The following ADK variants were observed in gnomAD, a reference collection of about 807,000 sequenced individuals.
ADK encodes the protein adenosine kinase.
A neutral mutation model predicts 44.7 loss-of-function variants in ADK; 24 were observed. The observed-to-expected ratio is 0.54, with a 90% CI of 0.39 to 0.76. The LOEUF is 0.76. Ranked by LOEUF, ADK falls within the 30% of genes least tolerant of loss-of-function variation. The pLI, the probability that ADK is intolerant of heterozygous loss-of-function variation, is 0.00. For missense variants in ADK, 321 were observed against 425.1 expected, an observed-to-expected ratio of 0.76 and a Z score of 2.15; for synonymous variants, 128 against 142.6, an observed-to-expected ratio of 0.90 and a Z score of 0.73.
At chr10:74,663,033 C>G (rs1341202689) in intron 9 of ADK, among the ~76,000 whole-genome samples, 2 of 151,830 alleles carry the variant, frequency 1.3e-5, no homozygotes, top group African/African-American at 4.8e-5. Context: ...CTCACGATTT[C>G]AAGGCAAGCC....
intron 7 of ADK, among the ~76,000 whole-genome samples, chr10:74,565,979 A>C (rs570206073): frequency 1.7e-4 from 26 of 152,204 alleles, no homozygotes; most frequent in African/African-American, 6.0e-4. Context: ...CTGCTGAAAT[A>C]ATTTCTGACT....
intron 3 of ADK, among the ~76,000 whole-genome samples, chr10:74,271,503 C>A (rs1846426722): frequency 6.9e-6 from 1 of 144,160 alleles, no homozygotes; most frequent in South Asian, 2.3e-4. Context: ...TGCTGGTGTG[C>A]TGCACCCATT....
chr10:74,570,200 G>A (rs1224225056), intron 7 of ADK, among the ~76,000 whole-genome samples: 3 of 152,074 alleles, frequency 2.0e-5, no homozygotes, highest in Admixed American at 6.5e-5. Context: ...TTTGAAGTCA[G>A]GTAGCGTGAT....
At chr10:74,444,062 C>T (rs534574556) in intron 6 of ADK, among the ~76,000 whole-genome samples, 8 of 151,982 alleles carry the variant, frequency 5.3e-5, no homozygotes, top group African/African-American at 1.9e-4. Context: ...ATCTCCTGTC[C>T]CTCCATTTCA....
At chr10:74,176,096 C>T (rs1842328338) in intron 1 of ADK, among the ~76,000 whole-genome samples, 1 of 152,118 alleles carries the variant, frequency 6.6e-6, no homozygotes, top group Admixed American at 6.6e-5. Flanking sequence ...CCTGATTCAC[C>T]TGGTAACTTG....
intron 4 of ADK, among the ~76,000 whole-genome samples, chr10:74,356,083 A>G (rs930815631): frequency 6.0e-5 from 8 of 134,172 alleles, no homozygotes; most frequent in Non-Finnish European, 9.2e-5. Flanking sequence ...CAGTGGCGCA[A>G]TCTCGGCTCA....
At chr10:74,326,708 A>G (rs1841032537) in intron 4 of ADK, among the ~76,000 whole-genome samples, 1 of 152,098 alleles carries the variant, frequency 6.6e-6, no homozygotes, top group African/African-American at 2.4e-5. Flanking sequence ...ACTTTTTATC[A>G]CTGATTTAAT....
chr10:74,208,679 C>A (rs945461947), intron 2 of ADK, among the ~76,000 whole-genome samples: 13 of 151,686 alleles, frequency 8.6e-5, no homozygotes, highest in African/African-American at 2.7e-4. Context: ...TTTTGAGCCA[C>A]CATTAGATAA....
intron 9 of ADK, among the ~76,000 whole-genome samples, chr10:74,615,877 TTTTTTA>T (rs1382041947): frequency 6.6e-6 from 1 of 152,036 alleles, no homozygotes; most frequent in East Asian, 1.9e-4. Context: ...CCTGGCTCAT[TTTTTTA>T]TTTTTAGTAG....
chr10:74,405,481 A>G (rs1051599606), intron 6 of ADK, among the ~76,000 whole-genome samples: 2 of 144,378 alleles, frequency 1.4e-5, no homozygotes, highest in African/African-American at 5.2e-5. Context: ...TTTAGATTTT[A>G]TTATTATACT....
intron 4 of ADK, among the ~76,000 whole-genome samples, chr10:74,339,972 G>C (rs1054378520): frequency 1.3e-5 from 2 of 152,040 alleles, no homozygotes; most frequent in Non-Finnish European, 2.9e-5. Flanking sequence ...CTTCTATACT[G>C]AAAGAAGCCA....
At chr10:74,467,160 A>G (rs549452506) in intron 6 of ADK, among the ~76,000 whole-genome samples, 54 of 152,298 alleles carry the variant, frequency 3.5e-4, no homozygotes, top group African/African-American at 1.2e-3. Context: ...AACTATTACA[A>G]TGAAGATAAA....
In ADK at chr10:74,580,889, C is replaced by A. The variant is rs940084733; in HGVS notation, c.727-8393C>A. Reference sequence around the variant, plus strand: ...CATTGTTAAAAAATAAATAAGTAAGCCAGGCACAGTGACAAATGCCTGTAG... The same window carrying A: ...CATTGTTAAAAAATAAATAAGTAAGACAGGCACAGTGACAAATGCCTGTAG... On this transcript the variant is annotated intron_variant, in intron 7 of 10. Coordinates refer to ENST00000539909, the MANE Select transcript of ADK (RefSeq NM_006721.4). 2.6e-5 allele frequency among the ~76,000 whole-genome samples: 4 copies of A among 152,038 alleles called. No individual in the cohort carries two copies. The East Asian group carries it at 7.7e-4, about 29-fold the overall frequency.
intron 1 of ADK, among the ~76,000 whole-genome samples, chr10:74,152,975 G>A (rs1001216017): frequency 6.6e-6 from 1 of 152,138 alleles, no homozygotes; most frequent in Admixed American, 6.5e-5. Context: ...TTTAGGATCG[G>A]CTATTATTAC....
rs577424311 is a variant in ADK, at chr10:74,489,164, G to A, written c.556-36092G>A. ...TTTTACTCACAAGCAAGGTAATTAT[G>A]CCTTTTATATTAAAAGAAAGTTCAT... On this transcript the variant is annotated intron_variant, in intron 6 of 10. Transcript: ENST00000539909. 2.6e-5 allele frequency among the ~76,000 whole-genome samples: 4 copies of A among 151,944 alleles called. No homozygotes were observed. In the East Asian group the frequency reaches 7.7e-4, roughly 29 times the overall value.
At chr10:74,413,474 C>A (rs750326770) in intron 6 of ADK, among the ~76,000 whole-genome samples, 2 of 152,186 alleles carry the variant, frequency 1.3e-5, no homozygotes, top group Non-Finnish European at 2.9e-5. Flanking sequence ...TTCTTTCAAC[C>A]TCACAAATTA....
At chr10:74,415,728 A>G (rs1844345483) in intron 6 of ADK, among the ~76,000 whole-genome samples, 1 of 152,116 alleles carries the variant, frequency 6.6e-6, no homozygotes, top group African/African-American at 2.4e-5. Flanking sequence ...CACAGAAGGA[A>G]ATGTTATACC....
At chr10:74,585,717 C>T (rs1479519411) in intron 7 of ADK, among the ~76,000 whole-genome samples, 4 of 152,156 alleles carry the variant, frequency 2.6e-5, no homozygotes, top group Admixed American at 1.3e-4. Context: ...AGGAACCGCC[C>T]TGCTTTTCTA....
At chr10:74,202,433 A>G (rs1843429816) in intron 2 of ADK, among the ~76,000 whole-genome samples, 1 of 152,106 alleles carries the variant, frequency 6.6e-6, no homozygotes, top group African/African-American at 2.4e-5. Context: ...ATTCATGTAT[A>G]AGCTTTTGTG....
Sources: allele counts gnomAD v4.1 joint callset (sites outside exome capture counted in the v4.1 genomes callset), GRCh38; gene constraint gnomAD v4.1.1; transcripts MANE v1.5; gene names NCBI Gene and HGNC (gene_info 2026-07-23, HGNC 2026-07-21).